SUGCT: variants seen among roughly 807,000 people sequenced by gnomAD.
SUGCT encodes succinyl-CoA:glutarate CoA-transferase.
A neutral mutation model predicts 55.0 loss-of-function variants in SUGCT; 41 were observed. The ratio of observed to expected loss-of-function variants is 0.74; its 90% confidence interval spans 0.58 to 0.97. The LOEUF (loss-of-function observed/expected upper bound fraction) is 0.97. SUGCT is among the 50% of genes least tolerant of loss of function. SUGCT has a pLI of 0.00. For missense variants in SUGCT, 568 were observed against 547.8 expected, an observed-to-expected ratio of 1.04 and a Z score of -0.37; for synonymous variants, 187 against 200.4, an observed-to-expected ratio of 0.93 and a Z score of 0.56.
intron 12 of SUGCT, among the ~76,000 whole-genome samples, chr7:40,510,843 T>C (rs1792885432): frequency 6.6e-6 from 1 of 152,154 alleles, no homozygotes; most frequent in Non-Finnish European, 1.5e-5. Context: ...AATAGAAGGT[T>C]ACCCTTAGGT....
the SUGCT span, among the ~76,000 whole-genome samples, chr7:40,869,095 A>G: frequency 1.3e-5 from 2 of 152,182 alleles, no homozygotes; most frequent in Non-Finnish European, 2.9e-5. Flanking sequence ...GAATTCTAAG[A>G]TGGTCCCCAA....
In SUGCT at chr7:40,255,693, T is replaced by G. The variant is rs954589707; in HGVS notation, c.576+17967T>G. ...AAAAAAAAAAAAAAAAAAAAGAAAA[T>G]AACTGTCTGCATTGTTTGTTTATGA... On this transcript the variant is annotated intron_variant, in intron 7 of 13. Coordinates refer to ENST00000335693, the MANE Select transcript of SUGCT (RefSeq NM_001193313.2). 2.0e-3 allele frequency among the ~76,000 whole-genome samples: 201 copies of G among 99,212 alleles called. 1 individual carries two copies. The highest frequency in any genetic ancestry group is 3.4e-3 in the Non-Finnish European group (162 of 47,840). 65.1% of individuals were successfully genotyped at this position (99,212 alleles called of 152,430 possible). A position where few individuals can be genotyped will look rare whatever the true frequency, so the allele number is the denominator to read the frequency against.
intron 9 of SUGCT, among the ~76,000 whole-genome samples, 154 bp downstream of exon 9, chr7:40,317,009 T>C (rs894685135): frequency 1.5e-5 from 2 of 134,402 alleles, no homozygotes; most frequent in African/African-American, 5.3e-5. Context: ...CAAGGTTCTG[T>C]TGTTCACTTT....
At chr7:40,796,692 T>C (rs1203569) in intron 13 of SUGCT, among the ~76,000 whole-genome samples, 78,261 of 152,040 alleles carry the variant, frequency 0.51, 20,364 homozygotes, top group South Asian at 0.59. Flanking sequence ...TTTTCTGATA[T>C]CACACCCTGG....
At chr7:40,406,877 A>T (rs1249411716) in intron 9 of SUGCT, among the ~76,000 whole-genome samples, 1 of 152,138 alleles carries the variant, frequency 6.6e-6, no homozygotes. Flanking sequence ...TTTTACAATG[A>T]TCATTTGGCA....
At chr7:40,536,497 A>G (rs1794367996) in intron 12 of SUGCT, among the ~76,000 whole-genome samples, 1 of 152,198 alleles carries the variant, frequency 6.6e-6, no homozygotes, top group African/African-American at 2.4e-5. Flanking sequence ...AATTTGCCCT[A>G]AGGGGTTTGA....
intron 9 of SUGCT, among the ~76,000 whole-genome samples, chr7:40,429,427 T>C (rs1363087800): frequency 2.6e-5 from 4 of 152,134 alleles, no homozygotes; most frequent in African/African-American, 9.7e-5. Flanking sequence ...AGTCCCACTA[T>C]AGGCTGTCTG....
At chr7:40,736,220 TTATAA>T (rs997583974) in intron 12 of SUGCT, among the ~76,000 whole-genome samples, 8 of 146,240 alleles carry the variant, frequency 5.5e-5, no homozygotes, top group Middle Eastern at 3.6e-3. Context: ...ATATAATATA[TTATAA>T]TATATCAATA....
chr7:40,415,916 T>C (rs1227395372), intron 9 of SUGCT, among the ~76,000 whole-genome samples: 4 of 152,058 alleles, frequency 2.6e-5, no homozygotes, highest in South Asian at 4.1e-4. Flanking sequence ...CTTACTATTG[T>C]TTTTATATTT....
At chr7:41,010,871 T>G in the SUGCT span, among the ~76,000 whole-genome samples, 1 of 152,252 alleles carries the variant, frequency 6.6e-6, no homozygotes, top group African/African-American at 2.4e-5. Context: ...ATTGGAATGT[T>G]TGACCTGGAA....
intron 9 of SUGCT, among the ~76,000 whole-genome samples, chr7:40,428,505 CTCTT>C (rs1417723624): frequency 7.2e-6 from 1 of 138,656 alleles, no homozygotes; most frequent in Non-Finnish European, 1.5e-5. Flanking sequence ...GTTGCTCTCT[CTCTT>C]TCTCTGTCTC....
At chr7:40,521,022 T>TG (rs1007975587) in intron 12 of SUGCT, among the ~76,000 whole-genome samples, 64 of 152,270 alleles carry the variant, frequency 4.2e-4, no homozygotes, top group Middle Eastern at 3.4e-3. Flanking sequence ...TCTCATACAC[T>TG]GGGGAATACA....
At chr7:40,361,303 G>A (rs1297332707) in intron 9 of SUGCT, among the ~76,000 whole-genome samples, 1 of 151,924 alleles carries the variant, frequency 6.6e-6, no homozygotes, top group African/African-American at 2.4e-5. Context: ...GGTCAGGCGC[G>A]GTGGCTCACG....
chr7:40,890,206 AT>A, the SUGCT span, among the ~76,000 whole-genome samples: 20 of 145,026 alleles, frequency 1.4e-4, no homozygotes, highest in East Asian at 5.9e-4. Flanking sequence ...ATAAATATTT[AT>A]ATTATATATT....
intron 13 of SUGCT, among the ~76,000 whole-genome samples, chr7:40,833,651 A>G (rs1027189051): frequency 2.0e-5 from 3 of 152,198 alleles, no homozygotes; most frequent in African/African-American, 7.2e-5. Context: ...CACGTGCTAC[A>G]TCATTAATGC....
Position 40,173,473 on chromosome 7 carries a change from C to G in SUGCT, c.101-7474C>G, listed in dbSNP as rs1784775204. Among the ~76,000 whole-genome samples, 6 of 152,350 alleles carry G rather than the reference C, an allele frequency of 3.9e-5. No homozygotes were observed. The South Asian group carries it at 1.2e-3, about 32-fold the overall frequency. On this transcript the variant is annotated intron_variant, in intron 1 of 13. Transcript: ENST00000335693. ...AAGATTTAATAGAGTGAAAACAGAG[C>G]TCCCATACAATGGGAGGGGACCCAA...
chr7:40,395,645 C>G (rs929470424), intron 9 of SUGCT, among the ~76,000 whole-genome samples: 2 of 152,048 alleles, frequency 1.3e-5, no homozygotes, highest in Non-Finnish European at 2.9e-5. Context: ...CATATTCCCC[C>G]ATTCCCACTC....
chr7:40,992,837 C>T, the SUGCT span, among the ~76,000 whole-genome samples: 6 of 152,022 alleles, frequency 3.9e-5, no homozygotes, highest in Non-Finnish European at 7.3e-5. Context: ...TATCTATGAG[C>T]TGTTGTGAGA....
chr7:40,263,605 G>C (rs1347950923), intron 7 of SUGCT, among the ~76,000 whole-genome samples: 1 of 152,202 alleles, frequency 6.6e-6, no homozygotes, highest in East Asian at 1.9e-4. Flanking sequence ...TGTAGAGTAA[G>C]TTGGATGCTA....
Sources: gnomAD v4.1 joint callset for allele counts (sites outside exome capture counted in the v4.1 genomes callset) on GRCh38, gnomAD v4.1.1 for gene constraint, MANE v1.5 for transcripts, NCBI Gene and HGNC (gene_info 2026-07-23, HGNC 2026-07-21) for gene names.